The following SPAG16 variants were observed in gnomAD, a reference collection of about 807,000 sequenced individuals.
The protein encoded by SPAG16 is sperm-associated antigen 16 protein.
In SPAG16, 86 loss-of-function variants were observed where a neutral mutation model predicts 80.4. That is an observed-to-expected ratio of 1.07 (90% CI 0.90 to 1.28). The LOEUF (loss-of-function observed/expected upper bound fraction) is 1.28, where lower values mean the gene tolerates loss of function less well. Ranked by LOEUF, SPAG16 falls within the 50% of genes most tolerant of loss-of-function variation. SPAG16 has a pLI of 0.00. For synonymous variants in SPAG16, 294 were observed against 265.9 expected, an observed-to-expected ratio of 1.11 and a Z score of -1.03; for missense variants, 870 against 765.3, an observed-to-expected ratio of 1.14 and a Z score of -1.61.
chr2:214,327,178 T>C (rs144789320), intron 15 of SPAG16, among the ~76,000 whole-genome samples: 244 of 152,344 alleles, frequency 1.6e-3, no homozygotes, highest in African/African-American at 5.7e-3. Flanking sequence ...ATGTTCACAT[T>C]ATAATCAAAC....
chr2:214,206,099 G>A (rs553235553), intron 15 of SPAG16, among the ~76,000 whole-genome samples: 1 of 152,278 alleles, frequency 6.6e-6, no homozygotes, highest in South Asian at 2.1e-4. Flanking sequence ...AGGAGGCTGA[G>A]GCAGGAGAAT....
Position 213,656,816 on chromosome 2 carries a change from T to G in SPAG16, c.1070+166726T>G, listed in dbSNP as rs141710670. 1.1e-3 allele frequency among the ~76,000 whole-genome samples: 175 copies of G among 152,328 alleles called. No homozygotes were observed. The East Asian group carries it at 0.024, about 21-fold the overall frequency. ...AAATTGACAGTTTAATTTCAGGGAT[T>G]TGTACTTTAAATATGTATATTAGAA... On this transcript the variant is annotated intron_variant, in intron 10 of 15. Coordinates refer to ENST00000331683, the MANE Select transcript of SPAG16 (RefSeq NM_024532.5).
chr2:214,119,182 GA>G (rs1441135519), intron 14 of SPAG16, among the ~76,000 whole-genome samples: 2 of 152,108 alleles, frequency 1.3e-5, no homozygotes, highest in African/African-American at 4.8e-5. Context: ...ATATGGCCCT[GA>G]AAAACTATTG....
chr2:213,831,274 G>A (rs528453622), intron 10 of SPAG16, among the ~76,000 whole-genome samples: 70 of 151,700 alleles, frequency 4.6e-4, no homozygotes, highest in African/African-American at 1.6e-3. Flanking sequence ...TCCTGACCTC[G>A]TGATCCACCC....
At chr2:213,818,456 G>C (rs1404781579) in intron 10 of SPAG16, among the ~76,000 whole-genome samples, 4 of 152,122 alleles carry the variant, frequency 2.6e-5, no homozygotes, top group Admixed American at 1.3e-4. Flanking sequence ...CCTATGAAGA[G>C]TGTATATGAG....
At chr2:213,461,165 C>T (rs981993210) in intron 9 of SPAG16, among the ~76,000 whole-genome samples, 1 of 152,052 alleles carries the variant, frequency 6.6e-6, no homozygotes, top group Non-Finnish European at 1.5e-5. Flanking sequence ...TCCTTGTTTG[C>T]TAGTAGCTCA....
intron 9 of SPAG16, among the ~76,000 whole-genome samples, chr2:213,482,409 T>C (rs1503376): frequency 0.015 from 2,218 of 152,336 alleles, 24 homozygotes; most frequent in South Asian, 0.038. Context: ...TGTCTCAGTT[T>C]AAGGAAATGT....
intron 15 of SPAG16, among the ~76,000 whole-genome samples, chr2:214,385,095 G>A (rs1029561775): frequency 3.9e-5 from 6 of 152,248 alleles, no homozygotes; most frequent in African/African-American, 1.4e-4. Flanking sequence ...TAGGAAGTGA[G>A]CATGATGTGC....
chr2:213,705,580 T>G (rs1325320696), intron 10 of SPAG16, among the ~76,000 whole-genome samples: 1 of 151,594 alleles, frequency 6.6e-6, no homozygotes, highest in East Asian at 1.9e-4. Context: ...GTTTGGAAAC[T>G]TGGTGCATTT....
At chr2:214,212,429 C>G (rs530530498) in intron 15 of SPAG16, among the ~76,000 whole-genome samples, 115 of 152,268 alleles carry the variant, frequency 7.6e-4, no homozygotes, top group African/African-American at 2.5e-3. Flanking sequence ...CCATCAATCT[C>G]TTTGCTTTCT....
chr2:213,913,581 A>G (rs1300447241), intron 11 of SPAG16, among the ~76,000 whole-genome samples: 2 of 9,838 alleles, frequency 2.0e-4, no homozygotes, highest in African/African-American at 3.7e-4. Context: ...ATATATATGT[A>G]CATGTACATA....
intron 10 of SPAG16, among the ~76,000 whole-genome samples, chr2:213,854,917 T>C (rs2075079911): frequency 6.6e-6 from 1 of 152,248 alleles, no homozygotes; most frequent in South Asian, 2.1e-4. Flanking sequence ...ACATCCTTAA[T>C]CATTCGTTTA....
intron 10 of SPAG16, among the ~76,000 whole-genome samples, chr2:213,718,807 C>T (rs2066373577): frequency 6.6e-6 from 1 of 152,192 alleles, no homozygotes; most frequent in African/African-American, 2.4e-5. Context: ...GCCCAAGCCT[C>T]CCCGACGAGC....
intron 10 of SPAG16, among the ~76,000 whole-genome samples, chr2:213,714,995 T>G (rs1385780461): frequency 6.6e-6 from 1 of 152,212 alleles, no homozygotes; most frequent in African/African-American, 2.4e-5. Context: ...ACTTTGTACT[T>G]CAGCTGGCCG....
chr2:213,984,841 C>G (rs1411755204), intron 12 of SPAG16, among the ~76,000 whole-genome samples: 1 of 152,036 alleles, frequency 6.6e-6, no homozygotes, highest in Non-Finnish European at 1.5e-5. Context: ...TAAGCTTATG[C>G]CTCAGTGACG....
intron 15 of SPAG16, among the ~76,000 whole-genome samples, chr2:214,318,191 A>C (rs1695824670): frequency 1.3e-5 from 2 of 152,170 alleles, no homozygotes; most frequent in South Asian, 4.2e-4. Flanking sequence ...GGGAATATGC[A>C]CTTCTGTGCC....
intron 7 of SPAG16, among the ~76,000 whole-genome samples, chr2:213,359,934 T>C (rs72937101): frequency 0.2 from 30,959 of 152,086 alleles, 3,917 homozygotes; most frequent in Non-Finnish European, 0.29. Flanking sequence ...TCTAAAGAGC[T>C]AATTTCTTGA....
rs543820904 is a variant in SPAG16, at chr2:214,155,648, A to G, written c.1720+6382A>G. On this transcript the variant is annotated intron_variant, in intron 15 of 15. Coordinates refer to ENST00000331683, the MANE Select transcript of SPAG16 (RefSeq NM_024532.5). ...ACACCATGCCTGAGGGTAGCCTAAA[A>G]TATTTACTATCTTGCTCTTTACATA... 8.5e-5 allele frequency among the ~76,000 whole-genome samples: 13 copies of G among 152,222 alleles called. 1 individual carries two copies. Among genetic ancestry groups the G allele is most frequent in the African/African-American group, 3.1e-4 (13 of 41,546 alleles).
At chr2:213,360,388 A>C (rs985504909) in intron 7 of SPAG16, among the ~76,000 whole-genome samples, 1 of 152,206 alleles carries the variant, frequency 6.6e-6, no homozygotes. Flanking sequence ...TGGAAGACAC[A>C]TGATTCTCTA....
Sources: allele counts gnomAD v4.1 joint callset (sites outside exome capture counted in the v4.1 genomes callset), GRCh38; gene constraint gnomAD v4.1.1; transcripts MANE v1.5; gene names NCBI Gene and HGNC (gene_info 2026-07-23, HGNC 2026-07-21).